The following PRKX variants were observed in gnomAD, a reference collection of about 807,000 sequenced individuals.
PRKX encodes the protein protein kinase cAMP-dependent X-linked catalytic subunit, also known as cAMP-dependent protein kinase catalytic subunit PRKX.
Under a neutral mutation model 22.0 loss-of-function variants are expected in PRKX, and 12 were observed. The observed-to-expected ratio is 0.54, with a 90% CI of 0.35 to 0.88. PRKX has a LOEUF of 0.88. Ranked by LOEUF, PRKX falls within the 40% of genes least tolerant of loss-of-function variation. The probability of loss-of-function intolerance (pLI) is 0.01; values close to 1 mark genes in which losing one functional copy is unlikely to be tolerated. For synonymous variants in PRKX, 134 were observed against 137.7 expected, an observed-to-expected ratio of 0.97 and a Z score of 0.19; for missense variants, 217 against 308.0, an observed-to-expected ratio of 0.70 and a Z score of 2.21.
chrX:3,618,011 G>A (rs1408525801), intron 6 of PRKX, among the ~76,000 whole-genome samples: 1 of 100,848 alleles, frequency 9.9e-6, no homozygotes, highest in African/African-American at 3.7e-5. Context: ...AGGGCATGGC[G>A]CCATCTTGGC....
intron 1 of PRKX, among the ~76,000 whole-genome samples, chrX:3,688,298 T>C (rs1478366474): frequency 2.0e-5 from 2 of 102,502 alleles, no homozygotes; most frequent in Non-Finnish European, 4.1e-5. Context: ...ATACAACGAT[T>C]AGCCGGGCAT....
rs1161746566 is a variant in PRKX, at chrX:3,674,378, C to T, written c.335+220G>A. On this transcript the variant is annotated intron_variant, in intron 2 of 8. Transcript: ENST00000262848. ...GGCCTTGGGCACGGACTTCTGAACA[C>T]AGAGCGTTTCTTTTTGGACCTGGTC... 2.7e-5 allele frequency among the ~76,000 whole-genome samples: 3 copies of T among 111,767 alleles called. No individual in the cohort carries two copies. In the Admixed American group the frequency reaches 2.9e-4, roughly 11 times the overall value.
chrX:3,639,922 C>T (rs1175925701), intron 4 of PRKX, among the ~76,000 whole-genome samples: 5 of 111,261 alleles, frequency 4.5e-5, no homozygotes, highest in Admixed American at 9.5e-5. Context: ...ATGTCACATG[C>T]TCCACACCCC....
intron 1 of PRKX, among the ~76,000 whole-genome samples, chrX:3,693,708 C>T (rs187327257): frequency 2.7e-5 from 3 of 109,301 alleles, no homozygotes; most frequent in Admixed American, 9.8e-5. Context: ...GAGGCTGAGG[C>T]GGACGGATCA....
intron 2 of PRKX, among the ~76,000 whole-genome samples, chrX:3,665,867 G>A (rs1204915198): frequency 1.9e-5 from 2 of 106,633 alleles, no homozygotes; most frequent in Non-Finnish European, 3.9e-5. Context: ...GCAATAAGGC[G>A]TGTTTCATGA....
In PRKX at chrX:3,659,722, T is replaced by TG. The variant is rs1370339855; in HGVS notation, c.336-4311_336-4310insC. ...GTTGGAGTGGTGTTTTTTTTGTTTT[T>TG]TTTTTTGTTTTTTTTTTTTTTGAGA... On this transcript the variant is annotated intron_variant, in intron 2 of 8. Transcript: ENST00000262848. Among the ~76,000 whole-genome samples, 14 of 25,657 alleles carry TG rather than the reference T, an allele frequency of 5.5e-4. 1 individual carries two copies. Among genetic ancestry groups the TG allele is most frequent in the African/African-American group, 7.7e-4 (3 of 3,878 alleles). 22.3% of individuals were successfully genotyped at this position (25,657 alleles called of 115,157 possible). A position where few individuals can be genotyped will look rare whatever the true frequency, so the allele number is the denominator to read the frequency against.
intron 1 of PRKX, among the ~76,000 whole-genome samples, chrX:3,691,553 G>A (rs956386115): frequency 1.5e-4 from 16 of 109,502 alleles, no homozygotes; most frequent in East Asian, 2.9e-4. Context: ...GGACTCCCCC[G>A]AATTACCCTT....
chrX:3,658,647 C>T (rs1927529855), intron 2 of PRKX, among the ~76,000 whole-genome samples: 1 of 110,794 alleles, frequency 9.0e-6, no homozygotes, highest in Non-Finnish European at 1.9e-5. Context: ...CCCATGAGCA[C>T]ATGAGCCTTC....
At chrX:3,662,284 G>A (rs1214001971) in intron 2 of PRKX, among the ~76,000 whole-genome samples, 2 of 111,673 alleles carry the variant, frequency 1.8e-5, no homozygotes, top group African/African-American at 6.5e-5. Flanking sequence ...CTGGAGGCCA[G>A]GTGCGGTGGC....
intron 4 of PRKX, among the ~76,000 whole-genome samples, chrX:3,638,784 G>C (rs1415518377): frequency 9.2e-6 from 1 of 109,149 alleles, no homozygotes. Context: ...TAGATGAATA[G>C]GTAGATAGAT....
intron 4 of PRKX, among the ~76,000 whole-genome samples, chrX:3,632,401 C>CAGGTGAGGT (rs1434336524): frequency 9.0e-6 from 1 of 111,195 alleles, no homozygotes; most frequent in Non-Finnish European, 1.9e-5. Context: ...CTGCCCGCAG[C>CAGGTGAGGT]GTTCTCTGTA....
At chrX:3,638,659 C>T (rs1010486518) in intron 4 of PRKX, among the ~76,000 whole-genome samples, 1 of 111,283 alleles carries the variant, frequency 9.0e-6, no homozygotes, top group Non-Finnish European at 1.9e-5. Flanking sequence ...TTCAAAAGAC[C>T]AACAGGCCGG....
At chrX:3,664,732 A>C (rs941466710) in intron 2 of PRKX, among the ~76,000 whole-genome samples, 1 of 112,479 alleles carries the variant, frequency 8.9e-6, no homozygotes, top group Non-Finnish European at 1.9e-5. Flanking sequence ...AATACCGCAT[A>C]GTCTCACTCA....
At chrX:3,709,263 G>C (rs1928742878) in intron 1 of PRKX, among the ~76,000 whole-genome samples, 1 of 109,449 alleles carries the variant, frequency 9.1e-6, no homozygotes, top group Non-Finnish European at 1.9e-5. Flanking sequence ...ACATGGTTCT[G>C]ATATTGTCCC....
intron 3 of PRKX, among the ~76,000 whole-genome samples, chrX:3,654,259 ATATAC>A (rs1168396576): frequency 1.0e-5 from 1 of 96,569 alleles, no homozygotes; most frequent in Non-Finnish European, 2.0e-5. Flanking sequence ...ATAGTATAAT[ATATAC>A]TATACATATA....
chrX:3,613,156 A>G (rs1237490348), intron 7 of PRKX, among the ~76,000 whole-genome samples: 1 of 12,600 alleles, frequency 7.9e-5, no homozygotes, highest in Non-Finnish European at 1.4e-4. Context: ...GTCTCAAAAA[A>G]AAAAAAAAAA....
rs558120232 is a variant in PRKX at position 3,707,738 on chromosome X, T to C, written c.166+5350A>G. On this transcript the variant is annotated intron_variant, in intron 1 of 8. Coordinates refer to ENST00000262848, the MANE Select transcript of PRKX (RefSeq NM_005044.5). ...TTCTATCCTTGGAAATGTTCTCTGA[T>C]GTGTAATATTTGATCTCATCTCTTG... Among the ~76,000 whole-genome samples, 5 of 112,024 alleles carry C rather than the reference T, an allele frequency of 4.5e-5. No individual in the cohort carries two copies. In the South Asian group the frequency reaches 1.5e-3, roughly 33 times the overall value.
chrX:3,630,495 G>A (rs1015800265), intron 4 of PRKX, among the ~76,000 whole-genome samples: 7 of 111,658 alleles, frequency 6.3e-5, no homozygotes, highest in Non-Finnish European at 1.3e-4. Context: ...GGGAGGCGGA[G>A]CTTGCAGTGA....
intron 4 of PRKX, among the ~76,000 whole-genome samples, chrX:3,638,921 T>C (rs755202529): frequency 1.9e-5 from 2 of 103,312 alleles, no homozygotes; most frequent in South Asian, 9.5e-4. Flanking sequence ...AGATAGATGA[T>C]AGGTAAATAC....
Sources: gnomAD v4.1 joint callset for allele counts (sites outside exome capture counted in the v4.1 genomes callset) on GRCh38, gnomAD v4.1.1 for gene constraint, MANE v1.5 for transcripts, NCBI Gene and HGNC (gene_info 2026-07-23, HGNC 2026-07-21) for gene names.